Variants in KALRN observed in about 807,000 individuals in gnomAD.
KALRN encodes kalirin RhoGEF kinase.
In KALRN, 70 loss-of-function variants were observed where a neutral mutation model predicts 353.7. That is an observed-to-expected ratio of 0.20 (90% confidence interval 0.16 to 0.24). KALRN has a LOEUF of 0.24. Among genes scored for constraint, KALRN ranks in the 10% least tolerant of loss-of-function variants. The pLI, the probability that KALRN is intolerant of heterozygous loss-of-function variation, is 1.00. For missense variants in KALRN, 2,791 were observed against 3,756.7 expected, an observed-to-expected ratio of 0.74 and a Z score of 6.72; for synonymous variants, 1,391 against 1,434.8, an observed-to-expected ratio of 0.97 and a Z score of 0.69.
chr3:124,465,896 T>A (rs1420627416), intron 25 of KALRN, among the ~76,000 whole-genome samples: 1 of 152,214 alleles, frequency 6.6e-6, no homozygotes, highest in African/African-American at 2.4e-5. Context: ...CTTGCTAACT[T>A]AATTAGCTAA....
intron 57 of KALRN, among the ~76,000 whole-genome samples, chr3:124,706,602 C>T (rs1347846330): frequency 6.6e-6 from 1 of 151,428 alleles, no homozygotes; most frequent in Non-Finnish European, 1.5e-5. Flanking sequence ...CAGAGTCTCG[C>T]TCTGTCTCCC....
intron 1 of KALRN, among the ~76,000 whole-genome samples, chr3:124,181,111 C>T (rs1027415007): frequency 5.1e-5 from 7 of 137,152 alleles, no homozygotes; most frequent in East Asian, 2.2e-4. Context: ...ATTAGCCAGG[C>T]GTGATGGTGT....
chr3:124,619,688 T>C (rs191721003), intron 34 of KALRN, among the ~76,000 whole-genome samples: 46 of 152,130 alleles, frequency 3.0e-4, no homozygotes, highest in Admixed American at 2.4e-3. Flanking sequence ...GGTCTCACCA[T>C]GTTGTCCAGG....
chr3:124,390,861 T>C (rs900966409), intron 11 of KALRN, among the ~76,000 whole-genome samples: 2 of 152,112 alleles, frequency 1.3e-5, no homozygotes, highest in African/African-American at 4.8e-5. Flanking sequence ...TCCTCTCTTG[T>C]CTCCTTCCTT....
chr3:124,693,284 G>A (rs182667557), intron 51 of KALRN, among the ~76,000 whole-genome samples: 77 of 152,234 alleles, frequency 5.1e-4, no homozygotes, highest in African/African-American at 1.2e-3. Flanking sequence ...TTGAAGAGTC[G>A]TTTCCCCTGC....
intron 37 of KALRN, among the ~76,000 whole-genome samples, chr3:124,641,834 A>G (rs1421877903): frequency 6.6e-6 from 1 of 152,222 alleles, no homozygotes; most frequent in African/African-American, 2.4e-5. Context: ...GTTGCAGGGT[A>G]ATAGTTTGAC....
chr3:124,195,667 C>T (rs1286622838), intron 1 of KALRN, among the ~76,000 whole-genome samples: 1 of 152,178 alleles, frequency 6.6e-6, no homozygotes, highest in Non-Finnish European at 1.5e-5. Context: ...CCACAAGAGC[C>T]TATCTTTGCT....
At chr3:124,274,637 T>A (rs768204830) in intron 5 of KALRN, among the ~76,000 whole-genome samples, 10 of 152,236 alleles carry the variant, frequency 6.6e-5, no homozygotes, top group Admixed American at 1.3e-4. Flanking sequence ...ATTGTATTTG[T>A]TTAATGTGTA....
chr3:124,367,524 C>T (rs1326291331), intron 10 of KALRN, among the ~76,000 whole-genome samples: 3 of 103,734 alleles, frequency 2.9e-5, no homozygotes, highest in African/African-American at 4.0e-5. Context: ...GACCCCCCCA[C>T]CTCCCTCCCG....
At chr3:124,402,962 A>G (rs1391742306) in intron 13 of KALRN, among the ~76,000 whole-genome samples, 1 of 152,238 alleles carries the variant, frequency 6.6e-6, no homozygotes, top group Non-Finnish European at 1.5e-5. Context: ...TCTTTGCAGG[A>G]AACTCGTTAA....
At chr3:124,694,913 T>C (rs2061980950) in intron 53 of KALRN, among the ~76,000 whole-genome samples, 1 of 152,056 alleles carries the variant, frequency 6.6e-6, no homozygotes, top group South Asian at 2.1e-4. Context: ...GTCACTGCCT[T>C]ACATTCACCC....
At chr3:124,221,445 C>G (rs1252138965) in intron 1 of KALRN, among the ~76,000 whole-genome samples, 1 of 152,196 alleles carries the variant, frequency 6.6e-6, no homozygotes, top group Non-Finnish European at 1.5e-5. Context: ...GGTCCCTACC[C>G]TCAAGGCATC....
chr3:124,066,626 T>G (rs1364949225), intron 1 of KALRN, among the ~76,000 whole-genome samples: 1 of 152,096 alleles, frequency 6.6e-6, no homozygotes, highest in Non-Finnish European at 1.5e-5. Flanking sequence ...CCCATGACAA[T>G]GTCGGGAATA....
chr3:124,693,965 T>C, intron 52 of KALRN, 134 bp downstream of exon 52: 1 of 665,150 alleles, frequency 1.5e-6, no homozygotes, highest in South Asian at 2.3e-5. Context: ...AGGTTTATGA[T>C]AAATTATTAG....
chr3:124,383,474 T>A (rs572922918), intron 10 of KALRN, among the ~76,000 whole-genome samples: 1 of 152,298 alleles, frequency 6.6e-6, no homozygotes, highest in Non-Finnish European at 1.5e-5. Flanking sequence ...CTTTTAGTAG[T>A]TTTCTGGCAG....
intron 10 of KALRN, 60 bp from the exon 11 acceptor site, chr3:124,384,785 G>C: frequency 6.7e-7 from 1 of 1,494,654 alleles, no homozygotes; most frequent in Non-Finnish European, 9.1e-7. Context: ...GGGAGCCCCA[G>C]GGTGGGCTGC....
chr3:124,106,760 C>T (rs2062353991), intron 1 of KALRN, among the ~76,000 whole-genome samples: 1 of 152,148 alleles, frequency 6.6e-6, no homozygotes. Flanking sequence ...GATGTGAAGC[C>T]AGAATAAAAA....
In KALRN at chr3:124,566,347, T is replaced by G. The variant is rs113165521; in HGVS notation, c.5182+3258T>G. On this transcript the variant is annotated intron_variant, in intron 34 of 59. Transcript: ENST00000682506. ...GAAACCCTGTCTCTACAAAAAAAAT[T>G]TAAAAATTAGCCAGGTGGGGTGGTG... 4.8e-3 allele frequency among the ~76,000 whole-genome samples: 736 copies of G among 151,778 alleles called. 5 individuals are homozygous for G. The highest frequency in any genetic ancestry group is 0.017 in the African/African-American group (696 of 41,358).
intron 34 of KALRN, among the ~76,000 whole-genome samples, chr3:124,615,105 G>A (rs1299722736): frequency 6.6e-6 from 1 of 152,218 alleles, no homozygotes; most frequent in Non-Finnish European, 1.5e-5. Flanking sequence ...GTTTTACCTG[G>A]TGGATTAGAA....
Sources: allele counts gnomAD v4.1 joint callset (sites outside exome capture counted in the v4.1 genomes callset), GRCh38; gene constraint gnomAD v4.1.1; transcripts MANE v1.5; gene names NCBI Gene and HGNC (gene_info 2026-07-23, HGNC 2026-07-21).